RAD51B: variants seen among roughly 807,000 people sequenced by gnomAD.
The protein encoded by RAD51B is DNA repair protein RAD51 homolog 2.
In RAD51B, 38 loss-of-function variants were observed where a neutral mutation model predicts 42.2. The ratio of observed to expected loss-of-function variants is 0.90; its 90% confidence interval spans 0.70 to 1.18. The LOEUF is 1.18. Ranked by LOEUF, RAD51B falls within the 50% of genes most tolerant of loss-of-function variation. The pLI is 0.00. For synonymous variants in RAD51B, 154 were observed against 145.2 expected, an observed-to-expected ratio of 1.06 and a Z score of -0.43; for missense variants, 373 against 400.7, an observed-to-expected ratio of 0.93 and a Z score of 0.59.
chr14:68,278,596 A>ATGTG (rs1484497109), intron 7 of RAD51B, among the ~76,000 whole-genome samples: 2 of 152,244 alleles, frequency 1.3e-5, no homozygotes, highest in African/African-American at 4.8e-5. Context: ...GGCACTGGGT[A>ATGTG]CTTTAAATAA....
At chr14:68,612,585 T>G (rs1730401942), downstream of RAD51B, among the ~76,000 whole-genome samples, 2 of 151,860 alleles carry the variant, frequency 1.3e-5, no homozygotes, top group Non-Finnish European at 2.9e-5. Context: ...AGACAGAAAG[T>G]AGAGTGGTGA....
rs566660327 is a variant in RAD51B, at chr14:68,164,310, G to A, written c.757-127574G>A. Among the ~76,000 whole-genome samples the A allele has an allele frequency of 4.6e-5, 7 of 152,232 alleles. No individual in the cohort carries two copies. The East Asian group carries it at 9.6e-4, about 21-fold the overall frequency. The stretch of plus-strand genomic sequence containing the variant: ...ACCTGGTAATGAAATTGTTAGGATG[G>A]AAGAGAAATGAACTAGGCACAGTGT... On this transcript the variant is annotated intron_variant, in intron 7 of 10. Coordinates refer to ENST00000471583, the MANE Select transcript of RAD51B (RefSeq NM_133510.4).
At chr14:68,273,691 C>CT (rs151173880) in intron 7 of RAD51B, among the ~76,000 whole-genome samples, 2,756 of 151,994 alleles carry the variant, frequency 0.018, 76 homozygotes, top group African/African-American at 0.059. Flanking sequence ...CATCATTTTT[C>CT]TTTTTTTTCT....
intron 7 of RAD51B, among the ~76,000 whole-genome samples, chr14:68,230,505 C>T (rs1306099945): frequency 6.6e-6 from 1 of 152,156 alleles, no homozygotes; most frequent in Non-Finnish European, 1.5e-5. Context: ...AGGCCCTGTA[C>T]CTTAGATGAC....
chr14:68,246,840 C>A (rs565088538), intron 7 of RAD51B, among the ~76,000 whole-genome samples: 1 of 152,108 alleles, frequency 6.6e-6, no homozygotes, highest in African/African-American at 2.4e-5. Context: ...TTTTGAAAGG[C>A]CAGGTAGGTG....
At chr14:67,872,664 C>T (rs1191586069) in intron 5 of RAD51B, among the ~76,000 whole-genome samples, 2 of 152,050 alleles carry the variant, frequency 1.3e-5, no homozygotes, top group Non-Finnish European at 2.9e-5. Context: ...AGGCTGGAGG[C>T]ATCACACTAC....
chr14:68,465,671 G>A (rs1324086610), intron 9 of RAD51B, among the ~76,000 whole-genome samples: 1 of 152,116 alleles, frequency 6.6e-6, no homozygotes, highest in East Asian at 1.9e-4. Context: ...GCCAGGCGTG[G>A]TGGCTCACAC....
chr14:68,666,353 A>C (rs1298003710), intron 11 of RAD51B, among the ~76,000 whole-genome samples: 2 of 152,254 alleles, frequency 1.3e-5, no homozygotes, highest in Admixed American at 6.5e-5. Flanking sequence ...CTGGCAACCA[A>C]AGAGCCGTAG....
chr14:68,006,169 A>T (rs547152374), intron 7 of RAD51B, among the ~76,000 whole-genome samples: 1 of 152,238 alleles, frequency 6.6e-6, no homozygotes, highest in African/African-American at 2.4e-5. Flanking sequence ...ACAGATCCAA[A>T]CCATACCAAG....
At chr14:68,554,733 A>T (rs967374690) in intron 10 of RAD51B, among the ~76,000 whole-genome samples, 3 of 152,120 alleles carry the variant, frequency 2.0e-5, no homozygotes, top group Non-Finnish European at 2.9e-5. Context: ...GACAGTGCAG[A>T]ATTTTTGTCT....
At chr14:67,861,618 A>T (rs558205468) in intron 4 of RAD51B, among the ~76,000 whole-genome samples, 1 of 152,110 alleles carries the variant, frequency 6.6e-6, no homozygotes, top group East Asian at 1.9e-4. Flanking sequence ...GTTTTTTTAA[A>T]TGAAAAGACA....
intron 7 of RAD51B, among the ~76,000 whole-genome samples, chr14:68,154,155 T>G (rs756158376): frequency 5.9e-5 from 9 of 152,236 alleles, no homozygotes; most frequent in Non-Finnish European, 1.5e-5. Context: ...TACCAGACAT[T>G]GTGAATTTCA....
At chr14:68,537,317 T>C (rs1234541479) in intron 10 of RAD51B, among the ~76,000 whole-genome samples, 1 of 151,738 alleles carries the variant, frequency 6.6e-6, no homozygotes. Flanking sequence ...GCTAACACGG[T>C]GAAACCCCGT....
At chr14:68,148,586 G>T (rs768150726) in intron 7 of RAD51B, among the ~76,000 whole-genome samples, 3 of 152,226 alleles carry the variant, frequency 2.0e-5, no homozygotes, top group Admixed American at 1.3e-4. Flanking sequence ...AAAGCAATAT[G>T]CATGCAGTAG....
intron 7 of RAD51B, among the ~76,000 whole-genome samples, chr14:68,050,608 G>T (rs1326315122): frequency 6.6e-6 from 1 of 152,140 alleles, no homozygotes; most frequent in Non-Finnish European, 1.5e-5. Context: ...ACGCATGTGT[G>T]TGTGCTCACA....
chr14:67,921,789 A>G (rs1443432960), intron 7 of RAD51B, among the ~76,000 whole-genome samples: 1 of 152,008 alleles, frequency 6.6e-6, no homozygotes, highest in African/African-American at 2.4e-5. Flanking sequence ...CATTCTCCCC[A>G]TGTTTGCATG....
At position 67,878,190 on chromosome 14, in the gene RAD51B, A is replaced by G. The variant is rs12896172; in HGVS notation, c.453-7679A>G. On this transcript the variant is annotated intron_variant, in intron 5 of 10. Transcript: ENST00000471583. The stretch of plus-strand genomic sequence containing the variant: ...ACATTCTCCTCTAGAAATATTTTAC[A>G]TAATTGTATCTCAACCAATAGTACT... Among the ~76,000 whole-genome samples, 824 of 152,314 alleles carry G rather than the reference A, an allele frequency of 5.4e-3. 8 individuals are homozygous for G. Among genetic ancestry groups the G allele is most frequent in the Non-Finnish European group, 7.4e-3 (504 of 68,024 alleles).
chr14:68,349,989 G>T (rs1273882667), intron 8 of RAD51B, among the ~76,000 whole-genome samples: 1 of 152,138 alleles, frequency 6.6e-6, no homozygotes, highest in Non-Finnish European at 1.5e-5. Flanking sequence ...ACACGCTATC[G>T]CACTGGGAGG....
chr14:67,869,233 G>T (rs1168670601), intron 5 of RAD51B, among the ~76,000 whole-genome samples: 1 of 152,192 alleles, frequency 6.6e-6, no homozygotes, highest in Non-Finnish European at 1.5e-5. Context: ...AGACAGGGAA[G>T]TGCTTAAAGG....
Sources: gnomAD v4.1 joint callset for allele counts (sites outside exome capture counted in the v4.1 genomes callset) on GRCh38, gnomAD v4.1.1 for gene constraint, MANE v1.5 for transcripts, NCBI Gene and HGNC (gene_info 2026-07-23, HGNC 2026-07-21) for gene names.